The following RBBP8NL variants were observed in gnomAD, a reference collection of about 807,000 sequenced individuals.
RBBP8NL encodes RBBP8 N-terminal-like protein.
Under a neutral mutation model 62.2 loss-of-function variants are expected in RBBP8NL, and 59 were observed. The observed-to-expected ratio is 0.95, with a 90% confidence interval of 0.77 to 1.18. RBBP8NL has a LOEUF of 1.18. RBBP8NL is among the 50% of genes most tolerant of loss of function. The pLI, the probability that RBBP8NL is intolerant of heterozygous loss-of-function variation, is 0.00. For synonymous variants in RBBP8NL, 412 were observed against 394.1 expected (o/e 1.05, Z -0.54); for missense variants, 896 against 899.5 (o/e 1.00, Z 0.05).
Position 62,418,387 on chromosome 20 carries a change from T to A in RBBP8NL, c.104+36A>T, listed in dbSNP as rs574219657. On this transcript the variant is annotated intron_variant, in intron 3 of 13. Coordinates refer to ENST00000252998, the MANE Select transcript of RBBP8NL (RefSeq NM_080833.3). ...CAGGGGGATGAAGTGGCCAGTGTGG[T>A]CCCTGTGAGGAGGGGCCCTGCTTGG... 7 of 1,545,848 alleles carry A rather than the reference T, an allele frequency of 4.5e-6. No homozygotes were observed. In the African/African-American group the frequency reaches 9.6e-5, roughly 21 times the overall value.
intron 3 of RBBP8NL, among the ~76,000 whole-genome samples, chr20:62,417,565 C>G (rs184974001): frequency 6.3e-5 from 6 of 94,706 alleles, no homozygotes; most frequent in African/African-American, 2.2e-4. Context: ...CAACGCCCCC[C>G]CAGTCATCTG....
chr20:62,411,056 GCT>G, intron 13 of RBBP8NL, 60 bp from the exon 14 acceptor site: 1 of 1,157,950 alleles, frequency 8.6e-7, no homozygotes, highest in Non-Finnish European at 1.3e-6. Flanking sequence ...GGCAACACTG[GCT>G]CTCACCTAGG....
intron 2 of RBBP8NL, 112 bp from the exon 3 acceptor site, chr20:62,418,577 C>G (rs1204624683): frequency 1.2e-5 from 13 of 1,099,646 alleles, no homozygotes; most frequent in Non-Finnish European, 1.7e-5. Context: ...GTCCCCTGCA[C>G]CCCCTGGGGG....
intron 13 of RBBP8NL, among the ~76,000 whole-genome samples, chr20:62,411,852 G>A (rs925077676): frequency 4.6e-5 from 7 of 152,256 alleles, no homozygotes; most frequent in South Asian, 2.1e-4. Context: ...CTGCCGCTCC[G>A]GGCAGACGCA....
Position 62,416,156 on chromosome 20 carries a change from C to T in RBBP8NL, c.386+8G>A. 1 of 1,610,298 alleles carries T rather than the reference C, an allele frequency of 6.2e-7. No homozygotes were observed. Among genetic ancestry groups the T allele is most frequent in the South Asian group, 1.1e-5 (1 of 90,126 alleles). ...GGTGTCTGAGCCCTGGGACCCTTTC[C>T]CACTCACCCCAGGCCCCGAAGCCGC... On this transcript the variant is annotated splice_region_variant and intron_variant, in intron 6 of 13. Transcript: ENST00000252998.
At chr20:62,421,893 G>T (rs970393809) in intron 1 of RBBP8NL, among the ~76,000 whole-genome samples, 20 of 150,222 alleles carry the variant, frequency 1.3e-4, no homozygotes, top group African/African-American at 4.7e-4. Context: ...CTGTGTGTGC[G>T]TGCCCAAGCC....
At position 62,413,316 on chromosome 20, in the gene RBBP8NL, C is replaced by T. The variant is rs935440258; in HGVS notation, c.1675+85G>A. 1.3e-5 allele frequency: 18 copies of T among 1,360,670 alleles called. No individual in the cohort carries two copies. In the Admixed American group the frequency reaches 6.3e-4, roughly 48 times the overall value. 84.3% of individuals were successfully genotyped at this position (1,360,670 alleles called of 1,614,324 possible). A position where few individuals can be genotyped will look rare whatever the true frequency, so the allele number is the denominator to read the frequency against. On this transcript the variant is annotated intron_variant, in intron 11 of 13. Transcript: ENST00000252998. ...GCAGAGCTGGGCCTGGAGACACCCA[C>T]TCCTGGTGGGCACTGACCACCACCC...
chr20:62,423,972 A>G (rs1008311484), intron 1 of RBBP8NL, among the ~76,000 whole-genome samples: 3 of 135,392 alleles, frequency 2.2e-5, no homozygotes, highest in African/African-American at 8.4e-5. Context: ...AAGGGCAGCT[A>G]GGGGTGCTGG....
intron 1 of RBBP8NL, 134 bp from the exon 2 acceptor site, chr20:62,419,864 G>A (rs1310013369): frequency 3.5e-6 from 2 of 563,686 alleles, no homozygotes; most frequent in Non-Finnish European, 3.1e-6. Flanking sequence ...ACTCATGGGA[G>A]GTGGCCTGGA....
chr20:62,416,519 G>A (rs964555877), intron 5 of RBBP8NL, among the ~76,000 whole-genome samples: 12 of 152,224 alleles, frequency 7.9e-5, no homozygotes, highest in Admixed American at 1.3e-4. Context: ...GAAGGAGGCC[G>A]CGCCCAGTGG....
In RBBP8NL at chr20:62,413,418, T is replaced by G. The variant is rs1372682102; in HGVS notation, c.1658A>C (p.Asp553Ala). 6.9e-7 allele frequency: 1 copy of G among 1,457,180 alleles called. No individual in the cohort carries two copies. The highest frequency in any genetic ancestry group is 1.5e-5 in the African/African-American group (1 of 68,630). The allele number at this position is 1,457,180 out of a possible 1,614,324, so 90.3% of individuals were successfully genotyped here. The change falls in exon 11 of 14, where the codon GAC becomes GCC. Residue 553 changes from aspartate (D) to alanine (A), a missense_variant. Asp to Ala is a moderately radical substitution (Grantham distance 126). Transcript: ENST00000252998. ...GACTGTACCTGGGTGGCCGTCCAGG[T>G]CAGGCGGCTGTGGGTGGGGAGGCGG... The part of the protein sequence containing the change: ...PQPPPHPQPP[D>A]LDGHPEPSKA...
chr20:62,426,180 A>C (rs1188013511), intron 1 of RBBP8NL, among the ~76,000 whole-genome samples: 1 of 151,916 alleles, frequency 6.6e-6, no homozygotes, highest in Non-Finnish European at 1.5e-5. Context: ...CAGTGGAAGC[A>C]GCGGCAGCGG....
At chr20:62,411,370 G>T (rs913699497) in intron 13 of RBBP8NL, among the ~76,000 whole-genome samples, 2 of 152,250 alleles carry the variant, frequency 1.3e-5, no homozygotes, top group African/African-American at 4.8e-5. Context: ...TGGTTCCTGC[G>T]ATGGTCCGGG....
Position 62,427,458 on chromosome 20 carries a change from AC to A in RBBP8NL, c.-84+1del, listed in dbSNP as rs1443186368. ...CCTGGCCCCGGGGTCCCGGGTACTC[AC>A]ATGGCTCCTGGCCCTGCCTCAACCT... On this transcript the variant is annotated splice_donor_variant, in intron 1 of 13. Transcript: ENST00000252998. LOFTEE classifies it low-confidence loss of function (5UTR_SPLICE). The A allele has an allele frequency of 6.6e-6, 1 of 152,170 alleles. No individual in the cohort carries two copies. The highest frequency in any genetic ancestry group is 1.5e-5 in the Non-Finnish European group (1 of 68,050). The allele number at this position is 152,170 out of a possible 1,614,324, so 9.4% of individuals were successfully genotyped here. A position where few individuals can be genotyped will look rare whatever the true frequency, so the allele number is the denominator to read the frequency against.
chr20:62,414,891 A>C (rs969041942), intron 9 of RBBP8NL, among the ~76,000 whole-genome samples: 19 of 152,260 alleles, frequency 1.2e-4, no homozygotes, highest in African/African-American at 4.6e-4. Flanking sequence ...TCCACCCTCC[A>C]CACCCTACTT....
rs1388858802 is a variant in RBBP8NL at position 62,416,752 on chromosome 20, G to A, written c.313+8C>T. 3.2e-6 allele frequency: 5 copies of A among 1,564,402 alleles called. No homozygotes were observed. The highest frequency in any genetic ancestry group is 2.7e-5 in the African/African-American group (2 of 73,896). On this transcript the variant is annotated splice_region_variant and intron_variant, in intron 5 of 13. Coordinates refer to ENST00000252998, the MANE Select transcript of RBBP8NL (RefSeq NM_080833.3). ...GAGGACCCCGGTTGTCTGGTGGGTG[G>A]GGCTCACTGAGGATGAAGATGCGCT... is the stretch of plus-strand genomic sequence containing the variant.
chr20:62,411,334 G>A (rs1988430822), intron 13 of RBBP8NL, among the ~76,000 whole-genome samples: 3 of 152,350 alleles, frequency 2.0e-5, no homozygotes, highest in African/African-American at 7.2e-5. Context: ...CCTGCCCCCG[G>A]GCTAGGGCCA....
At chr20:62,417,006 C>T in intron 4 of RBBP8NL, 134 bp from the exon 5 acceptor site, 1 of 764,472 alleles carries the variant, frequency 1.3e-6, no homozygotes, top group Admixed American at 2.7e-5. Context: ...GGCCTCTTCC[C>T]ACCCCGTGGG....
intron 11 of RBBP8NL, among the ~76,000 whole-genome samples, 182 bp downstream of exon 11, chr20:62,413,219 C>T (rs1024192541): frequency 5.3e-5 from 8 of 152,266 alleles, no homozygotes; most frequent in African/African-American, 1.7e-4. Context: ...GCCAGGCCCT[C>T]GGCTTCCTCC....
Sources: gnomAD v4.1 joint callset for allele counts (sites outside exome capture counted in the v4.1 genomes callset) on GRCh38, gnomAD v4.1.1 for gene constraint, MANE v1.5 for transcripts, NCBI Gene and HGNC (gene_info 2026-07-23, HGNC 2026-07-21) for gene names.